ABCC4: variants seen among roughly 807,000 people sequenced by gnomAD.
ABCC4 encodes the protein ATP binding cassette subfamily C member 4 (PEL blood group), also known as ATP-binding cassette sub-family C member 4.
Under a neutral mutation model 168.5 loss-of-function variants are expected in ABCC4, and 102 were observed. The observed-to-expected ratio is 0.61, with a 90% CI of 0.52 to 0.71. The LOEUF (loss-of-function observed/expected upper bound fraction) is 0.71. Among genes scored for constraint, ABCC4 ranks in the 30% least tolerant of loss-of-function variants. The pLI, the probability that ABCC4 is intolerant of heterozygous loss-of-function variation, is 0.00. For missense variants in ABCC4, 1,402 were observed against 1,605.8 expected, an observed-to-expected ratio of 0.87 and a Z score of 2.17; for synonymous variants, 617 against 590.7, an observed-to-expected ratio of 1.04 and a Z score of -0.65.
chr13:95,179,606 T>C (rs1291930487), intron 11 of ABCC4, among the ~76,000 whole-genome samples: 2 of 152,192 alleles, frequency 1.3e-5, no homozygotes, highest in Non-Finnish European at 2.9e-5. Context: ...ACATTAGAAA[T>C]CTTTACTTGG....
At chr13:95,240,222 GC>G (rs1258642363) in intron 3 of ABCC4, among the ~76,000 whole-genome samples, 1 of 152,226 alleles carries the variant, frequency 6.6e-6, no homozygotes, top group African/African-American at 2.4e-5. Context: ...TCCGTGCAGG[GC>G]AAACAACACG....
intron 20 of ABCC4, among the ~76,000 whole-genome samples, chr13:95,100,817 C>T (rs750386476): frequency 6.6e-6 from 1 of 152,146 alleles, no homozygotes; most frequent in African/African-American, 2.4e-5. Flanking sequence ...GCAAGGCGAC[C>T]TAACTAACGA....
chr13:95,091,294 G>A (rs1039665554), intron 20 of ABCC4, among the ~76,000 whole-genome samples: 7 of 152,110 alleles, frequency 4.6e-5, no homozygotes, highest in African/African-American at 1.7e-4. Context: ...GAAGCACAAA[G>A]AACACCTGGG....
intron 8 of ABCC4, among the ~76,000 whole-genome samples, chr13:95,196,603 A>C (rs568547674): frequency 1.0e-3 from 7 of 6,890 alleles, no homozygotes; most frequent in African/African-American, 4.3e-3. Flanking sequence ...GAAGGAAGGA[A>C]GGAAGGAAGG....
intron 19 of ABCC4, among the ~76,000 whole-genome samples, chr13:95,159,004 G>A (rs1297313458): frequency 6.7e-6 from 1 of 149,770 alleles, no homozygotes; most frequent in Admixed American, 6.7e-5. Context: ...GATCGCTTGA[G>A]CCCAGGAGGT....
Position 95,209,472 on chromosome 13 carries a change from G to C in ABCC4, c.747C>G (p.Pro249=), listed in dbSNP as rs1031048456. 8 of 1,614,174 alleles carry C rather than the reference G, an allele frequency of 5.0e-6. No homozygotes were observed. Among genetic ancestry groups the C allele is most frequent in the Admixed American group, 1.7e-5 (1 of 60,024 alleles). Residue 249 remains proline (P), a synonymous_variant, in exon 6 of 31, where the codon CCC becomes CCG. Coordinates refer to ENST00000645237, the MANE Select transcript of ABCC4 (RefSeq NM_005845.5). ...ACAACTTCCCAAAACAGCTTTGCAAGGGCAGGAGAATGATTAGAACTGCCA... is the reference window on the plus strand; with the variant it reads ...ACAACTTCCCAAAACAGCTTTGCAACGGCAGGAGAATGATTAGAACTGCCA... The part of the protein sequence containing the change: ...AGMAVLIILL[P]LQSCFGKLFS...
chr13:95,134,237 A>T (rs2036068412), intron 19 of ABCC4, among the ~76,000 whole-genome samples: 1 of 152,218 alleles, frequency 6.6e-6, no homozygotes, highest in Non-Finnish European at 1.5e-5. Context: ...GTTATTTTTT[A>T]AAAAGAGAGG....
chr13:95,074,366 G>T (rs764731187), intron 22 of ABCC4, 42 bp from the exon 23 acceptor site: 3 of 1,482,890 alleles, frequency 2.0e-6, no homozygotes, highest in African/African-American at 2.8e-5. Context: ...ATAAGTAGAT[G>T]AATGTGCGAG....
intron 14 of ABCC4, among the ~76,000 whole-genome samples, chr13:95,167,853 T>C (rs950930731): frequency 6.6e-6 from 1 of 152,080 alleles, no homozygotes; most frequent in Non-Finnish European, 1.5e-5. Context: ...TCATCCTGGG[T>C]GCCCACCAGT....
chr13:95,246,564 C>T (rs980256942), intron 3 of ABCC4, among the ~76,000 whole-genome samples: 4 of 152,152 alleles, frequency 2.6e-5, no homozygotes, highest in Non-Finnish European at 5.9e-5. Flanking sequence ...TTCTGGGCTC[C>T]GATCCAAAAT....
chr13:95,219,285 G>C (rs751766074), intron 4 of ABCC4, among the ~76,000 whole-genome samples: 12 of 152,054 alleles, frequency 7.9e-5, no homozygotes, highest in Non-Finnish European at 1.8e-4. Context: ...CTGGTTTATC[G>C]ACTGAGAGGG....
At chr13:95,154,351 G>T (rs564449077) in intron 19 of ABCC4, among the ~76,000 whole-genome samples, 1 of 152,190 alleles carries the variant, frequency 6.6e-6, no homozygotes, top group African/African-American at 2.4e-5. Flanking sequence ...ACTTAAGCCA[G>T]AATTAAAAGC....
At chr13:95,137,100 T>C (rs1461988120) in intron 19 of ABCC4, among the ~76,000 whole-genome samples, 1 of 152,178 alleles carries the variant, frequency 6.6e-6, no homozygotes, top group African/African-American at 2.4e-5. Flanking sequence ...ATCTGCTCTG[T>C]CCCCTACCGG....
intron 1 of ABCC4, among the ~76,000 whole-genome samples, chr13:95,266,814 C>T (rs556495339): frequency 6.8e-6 from 1 of 147,550 alleles, no homozygotes; most frequent in African/African-American, 2.6e-5. Context: ...TGGTTGTGTC[C>T]CTACTCAAAT....
intron 1 of ABCC4, among the ~76,000 whole-genome samples, chr13:95,257,960 A>C (rs938976195): frequency 6.6e-6 from 1 of 152,192 alleles, no homozygotes; most frequent in African/African-American, 2.4e-5. Context: ...GCGCACAGCC[A>C]TGCCCCACAC....
chr13:95,232,267 C>T (rs1040663729), intron 4 of ABCC4, among the ~76,000 whole-genome samples: 1 of 152,068 alleles, frequency 6.6e-6, no homozygotes, highest in African/African-American at 2.4e-5. Flanking sequence ...CACTAAGACA[C>T]GAGGCCTCCA....
In ABCC4 at chr13:95,097,805, C is replaced by T. The variant is rs577668693; in HGVS notation, c.2536-14515G>A. 2.0e-5 allele frequency among the ~76,000 whole-genome samples: 3 copies of T among 151,622 alleles called. No individual in the cohort carries two copies. In the South Asian group the frequency reaches 6.3e-4, roughly 32 times the overall value. ...AAATCTTTAGAAATGAAGTTATATA[C>T]TCCATAATAACTCACTACTAAAATA... On this transcript the variant is annotated intron_variant, in intron 20 of 30. Coordinates refer to ENST00000645237, the MANE Select transcript of ABCC4 (RefSeq NM_005845.5).
intron 19 of ABCC4, among the ~76,000 whole-genome samples, chr13:95,126,662 T>C: frequency 6.9e-6 from 1 of 145,688 alleles, no homozygotes. Context: ...CGCCAACAGG[T>C]GTTACACCAA....
At chr13:95,138,607 T>C (rs1414577495) in intron 19 of ABCC4, among the ~76,000 whole-genome samples, 2 of 152,128 alleles carry the variant, frequency 1.3e-5, no homozygotes, top group Non-Finnish European at 2.9e-5. Context: ...TAGGATCACC[T>C]GAGGCCAGGA....
Sources: gnomAD v4.1 joint callset for allele counts (sites outside exome capture counted in the v4.1 genomes callset) on GRCh38, gnomAD v4.1.1 for gene constraint, MANE v1.5 for transcripts, NCBI Gene and HGNC (gene_info 2026-07-23, HGNC 2026-07-21) for gene names.